Variants in CHLSN observed in about 807,000 individuals in gnomAD.
CHLSN encodes the protein protein cholesin.
the CHLSN span, among the ~76,000 whole-genome samples, chr7:984,002 GC>G: frequency 1.3e-5 from 2 of 152,146 alleles, no homozygotes; most frequent in African/African-American, 4.8e-5. Flanking sequence ...CTGGGGTGCT[GC>G]TGGCCGGGCT....
At chr7:1,097,800 G>T in the CHLSN span, among the ~76,000 whole-genome samples, 1 of 152,214 alleles carries the variant, frequency 6.6e-6, no homozygotes, top group Non-Finnish European at 1.5e-5. The surrounding 1 kb of genome is among the most constrained non-coding windows in gnomAD (Gnocchi z 4.3). Flanking sequence ...ACCCTGAGAA[G>T]GGTGCGTCTC....
chr7:1,004,529 G>A, the CHLSN span, among the ~76,000 whole-genome samples: 5 of 152,076 alleles, frequency 3.3e-5, no homozygotes, highest in Admixed American at 6.5e-5. Context: ...CTCTCTCACC[G>A]AGCCCCCACC....
chr7:1,121,970 G>A, the CHLSN span, among the ~76,000 whole-genome samples: 8 of 152,166 alleles, frequency 5.3e-5, no homozygotes, highest in Admixed American at 5.2e-4. Flanking sequence ...GCACACACCC[G>A]AGGCCTTGTC....
the CHLSN span, among the ~76,000 whole-genome samples, chr7:1,122,268 T>C: frequency 2.0e-5 from 3 of 152,244 alleles, no homozygotes; most frequent in African/African-American, 7.2e-5. Flanking sequence ...TAAGGGATTC[T>C]TACGAGGCAG....
chr7:997,662 G>A, the CHLSN span: 2 of 1,609,854 alleles, frequency 1.2e-6, no homozygotes, highest in Admixed American at 1.7e-5. Flanking sequence ...GATGCGCTGG[G>A]CCCTCCCCGG....
chr7:1,044,593 C>T, the CHLSN span: 2 of 150,852 alleles, frequency 1.3e-5, no homozygotes, highest in South Asian at 4.1e-4. Context: ...CCGTGAGCCC[C>T]GCCGCCTCCG....
chr7:1,029,302 A>G, the CHLSN span, among the ~76,000 whole-genome samples: 1 of 151,964 alleles, frequency 6.6e-6, no homozygotes, highest in Non-Finnish European at 1.5e-5. Flanking sequence ...TAATTTTTAA[A>G]TTTTTTGTAG....
chr7:1,028,509 A>G, the CHLSN span: 8 of 984,864 alleles, frequency 8.1e-6, no homozygotes, highest in Non-Finnish European at 7.2e-6. Context: ...GCGGGGGTGG[A>G]CCCTGCTGCA....
At chr7:1,076,913 G>A in the CHLSN span, among the ~76,000 whole-genome samples, 1 of 152,258 alleles carries the variant, frequency 6.6e-6, no homozygotes, top group African/African-American at 2.4e-5. Flanking sequence ...GGGGTGGTCA[G>A]CGAGGGGCTG....
the CHLSN span, among the ~76,000 whole-genome samples, chr7:1,135,790 T>TAC: frequency 2.4e-4 from 22 of 90,714 alleles, no homozygotes; most frequent in African/African-American, 5.9e-4. Flanking sequence ...TATATATATA[T>TAC]ATACACAATT....
At chr7:1,007,987 C>G in the CHLSN span, among the ~76,000 whole-genome samples, 1 of 152,174 alleles carries the variant, frequency 6.6e-6, no homozygotes, top group Non-Finnish European at 1.5e-5. Flanking sequence ...CAACGTCCCC[C>G]TTGTCTAACA....
chr7:1,110,315 CCGA>C, the CHLSN span, among the ~76,000 whole-genome samples: 51 of 152,318 alleles, frequency 3.3e-4, no homozygotes, highest in African/African-American at 1.2e-3. Context: ...GGCACGTCCT[CCGA>C]CGACAAGGAT....
At chr7:1,110,594 G>C in the CHLSN span, among the ~76,000 whole-genome samples, 1 of 152,346 alleles carries the variant, frequency 6.6e-6, no homozygotes, top group Non-Finnish European at 1.5e-5. Context: ...CCATGGGGCC[G>C]CATCCCGAGG....
the CHLSN span, among the ~76,000 whole-genome samples, chr7:1,038,690 T>C: frequency 8.1e-4 from 80 of 99,218 alleles, no homozygotes; most frequent in Admixed American, 1.1e-3. Flanking sequence ...CCAGCCGCCC[T>C]GTCCGGGAGG....
At chr7:1,010,379 T>A in the CHLSN span, among the ~76,000 whole-genome samples, 3 of 152,324 alleles carry the variant, frequency 2.0e-5, no homozygotes, top group Admixed American at 6.5e-5. Context: ...CAGGATTAAC[T>A]GCCCAGAGGC....
At chr7:1,117,704 C>G in the CHLSN span, among the ~76,000 whole-genome samples, 1 of 149,254 alleles carries the variant, frequency 6.7e-6, no homozygotes, top group African/African-American at 2.5e-5. Flanking sequence ...CTCTACGGAC[C>G]GGCTTCCATC....
the CHLSN span, among the ~76,000 whole-genome samples, chr7:1,041,460 G>A: frequency 6.6e-6 from 1 of 151,970 alleles, no homozygotes; most frequent in Admixed American, 6.5e-5. Context: ...CTCTGCCCAG[G>A]GACTCCACAA....
the CHLSN span, among the ~76,000 whole-genome samples, chr7:1,066,084 G>C: frequency 6.6e-6 from 1 of 152,204 alleles, no homozygotes; most frequent in Non-Finnish European, 1.5e-5. Flanking sequence ...GACACGACTC[G>C]GTGAGTTCCC....
the CHLSN span, among the ~76,000 whole-genome samples, chr7:1,082,764 C>A: frequency 2.0e-5 from 3 of 152,344 alleles, no homozygotes; most frequent in Admixed American, 6.5e-5. Context: ...ACAGAGAACG[C>A]AGAGAACAGG....
Sources: allele counts gnomAD v4.1 joint callset (sites outside exome capture counted in the v4.1 genomes callset), GRCh38; gene constraint gnomAD v4.1.1; non-coding constraint Gnocchi (gnomAD v3.1); transcripts MANE v1.5; gene names NCBI Gene and HGNC (gene_info 2026-07-23, HGNC 2026-07-21).